Variants in EZR observed in about 807,000 individuals in gnomAD.
EZR encodes the protein cytovillin 2.
A neutral mutation model predicts 74.8 loss-of-function variants in EZR; 40 were observed. The observed-to-expected ratio is 0.53, with a 90% CI of 0.42 to 0.70. The LOEUF is 0.70. Ranked by LOEUF, EZR falls within the 30% of genes least tolerant of loss-of-function variation. The pLI is 0.00. For synonymous variants in EZR, 341 were observed against 283.3 expected, an observed-to-expected ratio of 1.20 and a Z score of -2.05; for missense variants, 678 against 755.8, an observed-to-expected ratio of 0.90 and a Z score of 1.21.
intron 2 of EZR, among the ~76,000 whole-genome samples, chr6:158,807,301 A>G (rs1421166396): frequency 1.5e-5 from 2 of 137,280 alleles, no homozygotes; most frequent in Non-Finnish European, 3.1e-5. Context: ...GGCGACAGAC[A>G]GAGACTCCGT....
intron 2 of EZR, among the ~76,000 whole-genome samples, chr6:158,790,737 G>A (rs1465221237): frequency 1.3e-5 from 2 of 152,086 alleles, no homozygotes; most frequent in Non-Finnish European, 2.9e-5. Flanking sequence ...CATCAAGGCA[G>A]TTTTCAAATT....
chr6:158,789,158 A>T, intron 3 of EZR, 130 bp downstream of exon 3: 1 of 661,164 alleles, frequency 1.5e-6, no homozygotes, highest in Non-Finnish European at 2.6e-6. Flanking sequence ...TTCACCTTTT[A>T]AAAGATCCTT....
At chr6:158,812,541 ATGTACGGTG>A in intron 2 of EZR, among the ~76,000 whole-genome samples, 1 of 152,192 alleles carries the variant, frequency 6.6e-6, no homozygotes, top group South Asian at 2.1e-4. Flanking sequence ...AACTTTAGGT[ATGTACGGTG>A]TGTACATATA....
chr6:158,767,822 T>C (rs946949122), intron 12 of EZR, among the ~76,000 whole-genome samples: 1 of 152,184 alleles, frequency 6.6e-6, no homozygotes, highest in Non-Finnish European at 1.5e-5. Flanking sequence ...TAACGGGCTC[T>C]GTTCCTAGCC....
In EZR at chr6:158,765,995, AAATT is replaced by A. The variant is rs1165974454; in HGVS notation, c.*915_*918del. On this transcript the variant is annotated 3_prime_UTR_variant, in exon 14 of 14. Transcript: ENST00000367075. ...CATAGTGGCATGTGTGAATCTGACA[AAATT>A]AAAAGTGTGCATAGTCCATTACATG... 2 of 152,514 alleles carry A rather than the reference AAATT, an allele frequency of 1.3e-5. No individual in the cohort carries two copies. The highest frequency in any genetic ancestry group is 4.8e-5 in the African/African-American group (2 of 41,352). The allele number at this position is 152,514 out of a possible 1,614,324, so 9.4% of individuals were successfully genotyped here.
In EZR at chr6:158,767,491, G is replaced by C. The variant is rs1232443906; in HGVS notation, c.1366C>G (p.Leu456Val). 5 of 1,596,626 alleles carry C rather than the reference G, an allele frequency of 3.1e-6. No homozygotes were observed. Among genetic ancestry groups the C allele is most frequent in the African/African-American group, 1.3e-5 (1 of 74,442 alleles). ...TGCAGCTCCTCCTTGGTCTTCACCAGGTCATCCTGGGCTTCTTTGGCCTTT... is the reference window on the plus strand; with the variant it reads ...TGCAGCTCCTCCTTGGTCTTCACCACGTCATCCTGGGCTTCTTTGGCCTTT... ...QHRAKEAQDD[L>V]VKTKEELHLV... Residue 456 changes from leucine to valine, a missense_variant, in exon 13 of 14, where the codon CTG (leucine) becomes GTG (valine). Transcript: ENST00000367075.
At chr6:158,798,960 C>G (rs1302734247) in intron 2 of EZR, among the ~76,000 whole-genome samples, 1 of 152,144 alleles carries the variant, frequency 6.6e-6, no homozygotes, top group African/African-American at 2.4e-5. Context: ...CAACCCAGCA[C>G]TCTAATTACA....
rs1261957949 is a variant in EZR at position 158,767,501 on chromosome 6, G to A, written c.1356C>T (p.Ala452=). Residue 452 remains alanine (A), a synonymous_variant, in exon 13 of 14, where the codon GCC becomes GCT. Transcript: ENST00000367075. The part of the protein sequence containing the change: ...VEEWQHRAKE[A]QDDLVKTKEE... ...CCTTGGTCTTCACCAGGTCATCCTGGGCTTCTTTGGCCTTTGGAAAGCAAA... is the reference window on the plus strand; with the variant it reads ...CCTTGGTCTTCACCAGGTCATCCTGAGCTTCTTTGGCCTTTGGAAAGCAAA... The A allele has an allele frequency of 1.3e-6, 2 of 1,587,478 alleles. No individual in the cohort carries two copies. Among genetic ancestry groups the A allele is most frequent in the East Asian group, 2.2e-5 (1 of 44,528 alleles).
chr6:158,773,802 G>A (rs1024815570), intron 8 of EZR, among the ~76,000 whole-genome samples: 1 of 152,234 alleles, frequency 6.6e-6, no homozygotes, highest in Non-Finnish European at 1.5e-5. Context: ...CCAAATTTCA[G>A]ATGCCTCAGA....
chr6:158,769,523 C>A, intron 11 of EZR, 105 bp from the exon 12 acceptor site: 2 of 1,189,808 alleles, frequency 1.7e-6, no homozygotes, highest in Non-Finnish European at 1.2e-6. Flanking sequence ...CAACGTGACA[C>A]CTGAGTCCCC....
chr6:158,814,787 C>T (rs1777520337), intron 2 of EZR, among the ~76,000 whole-genome samples: 1 of 152,086 alleles, frequency 6.6e-6, no homozygotes, highest in Admixed American at 6.5e-5. Flanking sequence ...GTGATCCGCC[C>T]ACCTCGGCCT....
chr6:158,810,856 C>G (rs1777438204), intron 2 of EZR, among the ~76,000 whole-genome samples: 1 of 152,212 alleles, frequency 6.6e-6, no homozygotes, highest in Non-Finnish European at 1.5e-5. Flanking sequence ...AAAACTTTGT[C>G]TCCGTTTATC....
rs140662494 is a variant in EZR, at chr6:158,814,545, C to CT, written c.12+3536dup. On this transcript the variant is annotated intron_variant, in intron 2 of 13. Transcript: ENST00000367075. Reference sequence around the variant, plus strand: ...CACTCCGCTTGCTGATGAATAAAGTCTTTTTTTTTTTTTTTTTGAGACAGA... The same window carrying CT: ...CACTCCGCTTGCTGATGAATAAAGTCTTTTTTTTTTTTTTTTTTGAGACAGA... Among the ~76,000 whole-genome samples the CT allele has an allele frequency of 4.1e-3, 520 of 127,360 alleles. 3 individuals carry two copies. The highest frequency in any genetic ancestry group is 9.4e-3 in the South Asian group (38 of 4,030). The allele number at this position is 127,360 out of a possible 152,430, so 83.6% of individuals were successfully genotyped here. A position where few individuals can be genotyped will look rare whatever the true frequency, so the allele number is the denominator to read the frequency against.
intron 2 of EZR, among the ~76,000 whole-genome samples, chr6:158,817,227 T>C (rs1329078188): frequency 6.6e-6 from 1 of 152,200 alleles, no homozygotes; most frequent in Non-Finnish European, 1.5e-5. Context: ...ACTCAAAAAA[T>C]GTTAAACCTT....
chr6:158,786,195 A>C (rs1479478881), intron 4 of EZR, among the ~76,000 whole-genome samples: 1 of 152,182 alleles, frequency 6.6e-6, no homozygotes, highest in Non-Finnish European at 1.5e-5. Context: ...AACATGGTGA[A>C]ACCCCATCTC....
At chr6:158,774,350 C>T (rs1245035533) in intron 8 of EZR, among the ~76,000 whole-genome samples, 1 of 152,176 alleles carries the variant, frequency 6.6e-6, no homozygotes, top group Non-Finnish European at 1.5e-5. Flanking sequence ...TCACCCCCAT[C>T]TTCTGATCCG....
chr6:158,818,739 G>C (rs1354420172), intron 1 of EZR, among the ~76,000 whole-genome samples: 2 of 150,436 alleles, frequency 1.3e-5, no homozygotes, highest in Non-Finnish European at 3.0e-5. Flanking sequence ...CTGGGAGAGA[G>C]AGGGCGAGGG....
chr6:158,787,274 G>A (rs575231805), intron 3 of EZR, 71 bp from the exon 4 acceptor site: 90 of 1,279,136 alleles, frequency 7.0e-5, no homozygotes, highest in East Asian at 2.3e-4. Context: ...TTTGGCTGTC[G>A]TTCATCACAT....
chr6:158,783,726 A>C (rs1791490570), intron 6 of EZR, 60 bp from the exon 7 acceptor site: 2 of 1,538,452 alleles, frequency 1.3e-6, no homozygotes, highest in South Asian at 2.3e-5. Flanking sequence ...TAGAACAGTA[A>C]AACCTTTCCA....
Sources: gnomAD v4.1 joint callset for allele counts (sites outside exome capture counted in the v4.1 genomes callset) on GRCh38, gnomAD v4.1.1 for gene constraint, MANE v1.5 for transcripts, NCBI Gene and HGNC (gene_info 2026-07-23, HGNC 2026-07-21) for gene names.